GFPT1: variants seen among roughly 807,000 people sequenced by gnomAD.
The protein encoded by GFPT1 is glutamine--fructose-6-phosphate transaminase 1.
GFPT1 carries 40 observed loss-of-function variants against 92.0 expected under a neutral mutation model. That is an observed-to-expected ratio of 0.43 (90% CI 0.34 to 0.57). The LOEUF (loss-of-function observed/expected upper bound fraction) is 0.57, where lower values mean the gene tolerates loss of function less well. Ranked by LOEUF, GFPT1 falls within the 20% of genes least tolerant of loss-of-function variation. GFPT1 has a pLI of 0.02. For synonymous variants in GFPT1, 269 were observed against 280.6 expected, an observed-to-expected ratio of 0.96 and a Z score of 0.41; for missense variants, 448 against 869.1, an observed-to-expected ratio of 0.52 and a Z score of 6.09.
chr2:69,321,370 T>A lies in GFPT1; in HGVS notation c.*4819A>T, dbSNP rs1670400030. The A allele has an allele frequency of 6.6e-6, 1 of 152,222 alleles. No individual in the cohort carries two copies. The highest frequency in any genetic ancestry group is 1.5e-5 in the Non-Finnish European group (1 of 68,042). 9.4% of individuals were successfully genotyped at this position (152,222 alleles called of 1,614,324 possible). On this transcript the variant is annotated 3_prime_UTR_variant, in exon 20 of 20. Coordinates refer to ENST00000357308, the MANE Select transcript of GFPT1 (RefSeq NM_001244710.2). ...TATTTAGGCAGTGATTTCTTATTCT[T>A]AAAATCAACAGTAATGAATAAAGTT...
Position 69,321,793 on chromosome 2 carries a change from G to A in GFPT1, c.*4396C>T, listed in dbSNP as rs1255605587. The A allele has an allele frequency of 2.0e-5, 3 of 152,186 alleles. No homozygotes were observed. The highest frequency in any genetic ancestry group is 2.9e-5 in the Non-Finnish European group (2 of 68,040). 9.4% of individuals were successfully genotyped at this position (152,186 alleles called of 1,614,324 possible). On this transcript the variant is annotated 3_prime_UTR_variant, in exon 20 of 20. Coordinates refer to ENST00000357308, the MANE Select transcript of GFPT1 (RefSeq NM_001244710.2). Reference sequence around the variant, plus strand: ...CTACATTCATTCTGCAAACAGTGTAGTAAGAAAGGTAATTTGAGAATTTCC... The same window carrying A: ...CTACATTCATTCTGCAAACAGTGTAATAAGAAAGGTAATTTGAGAATTTCC...
rs533631858 is a variant in GFPT1, at chr2:69,328,513, A to G, written c.1726-75T>C. 48 of 1,055,560 alleles carry G rather than the reference A, an allele frequency of 4.5e-5. No individual in the cohort carries two copies. The East Asian group carries it at 1.0e-3, about 22-fold the overall frequency. 65.4% of individuals were successfully genotyped at this position (1,055,560 alleles called of 1,614,324 possible). A position where few individuals can be genotyped will look rare whatever the true frequency, so the allele number is the denominator to read the frequency against. On this transcript the variant is annotated intron_variant, in intron 17 of 19. Coordinates refer to ENST00000357308, the MANE Select transcript of GFPT1 (RefSeq NM_001244710.2). Reference sequence around the variant, plus strand: ...TGTTTAAGTAAATATTATAAAAAGCATCTGATATGTCAAGCCACTGTCTAT... The same window carrying G: ...TGTTTAAGTAAATATTATAAAAAGCGTCTGATATGTCAAGCCACTGTCTAT...
At chr2:69,372,656 AT>A (rs1334357785) in intron 2 of GFPT1, among the ~76,000 whole-genome samples, 3 of 152,214 alleles carry the variant, frequency 2.0e-5, no homozygotes, top group African/African-American at 7.2e-5. Context: ...AAAAGAAGTA[AT>A]CTTAGCATCT....
At chr2:69,368,179 G>T (rs184453658) in intron 3 of GFPT1, among the ~76,000 whole-genome samples, 1 of 152,212 alleles carries the variant, frequency 6.6e-6, no homozygotes, top group Non-Finnish European at 1.5e-5. Flanking sequence ...TCAGGAGATC[G>T]AGACTATCCT....
intron 1 of GFPT1, among the ~76,000 whole-genome samples, chr2:69,379,799 G>C (rs113711304): frequency 4.6e-5 from 7 of 151,994 alleles, no homozygotes; most frequent in African/African-American, 1.7e-4. Flanking sequence ...TTGGCTCACT[G>C]CAACCTGTCT....
chr2:69,326,105 G>T lies in GFPT1; in HGVS notation c.*84C>A. The T allele has an allele frequency of 1.2e-6, 1 of 850,756 alleles. No individual in the cohort carries two copies. Among genetic ancestry groups the T allele is most frequent in the Non-Finnish European group, 2.0e-6 (1 of 508,860 alleles). The allele number at this position is 850,756 out of a possible 1,614,324, so 52.7% of individuals were successfully genotyped here. A position where few individuals can be genotyped will look rare whatever the true frequency, so the allele number is the denominator to read the frequency against. On this transcript the variant is annotated 3_prime_UTR_variant, in exon 20 of 20. Transcript: ENST00000357308. ...TTACTAAAAAAAGGCTTCAAGGGGT[G>T]ATATTTTAAATCAAGGTTTTAAATA... is the stretch of plus-strand genomic sequence containing the variant.
At chr2:69,370,549 T>A (rs988389126) in intron 2 of GFPT1, among the ~76,000 whole-genome samples, 1 of 152,200 alleles carries the variant, frequency 6.6e-6, no homozygotes, top group African/African-American at 2.4e-5. Flanking sequence ...GGGAAAACAC[T>A]GTCCTTTAAG....
At chr2:69,348,875 C>A (rs1227246271) in intron 10 of GFPT1, among the ~76,000 whole-genome samples, 3 of 152,278 alleles carry the variant, frequency 2.0e-5, no homozygotes, top group South Asian at 2.1e-4. Context: ...AGTGCCTTAC[C>A]GTAATCCCTA....
At chr2:69,368,771 T>C (rs1671671448) in intron 3 of GFPT1, among the ~76,000 whole-genome samples, 1 of 151,756 alleles carries the variant, frequency 6.6e-6, no homozygotes, top group African/African-American at 2.4e-5. Flanking sequence ...CGAAGAGGCA[T>C]GTTTCAATAT....
At position 69,384,781 on chromosome 2, in the gene GFPT1, GAAAGAAAGAAAGA is replaced by G. The variant is rs761330830; in HGVS notation, c.7+2271_7+2283del. On this transcript the variant is annotated intron_variant, in intron 1 of 19. Transcript: ENST00000357308. ...GAGAGAAAGAAGAAAGAAAGAAAAA[GAAAGAAAGAAAGA>G]AAAGAAAAGAAAGAAGGAAAGAAAG... Among the ~76,000 whole-genome samples, 392 of 147,676 alleles carry G rather than the reference GAAAGAAAGAAAGA, an allele frequency of 2.7e-3. 4 individuals are homozygous for G. The highest frequency in any genetic ancestry group is 4.2e-3 in the Non-Finnish European group (281 of 66,788).
At position 69,328,915 on chromosome 2, in the gene GFPT1, C is replaced by A. The variant is rs141885958; in HGVS notation, c.1725+382G>T. Among the ~76,000 whole-genome samples the A allele has an allele frequency of 6.0e-3, 920 of 152,186 alleles. 11 individuals are homozygous for A. Among genetic ancestry groups the A allele is most frequent in the African/African-American group, 0.02 (824 of 41,524 alleles). On this transcript the variant is annotated intron_variant, in intron 17 of 19. Transcript: ENST00000357308. The stretch of plus-strand genomic sequence containing the variant: ...ATGGGGTTTCACCACGTTGGCCAGG[C>A]TGGTCTCGAACTTCTGACTTCAAGT...
intron 1 of GFPT1, among the ~76,000 whole-genome samples, chr2:69,377,505 A>T (rs1442502332): frequency 6.6e-6 from 1 of 151,162 alleles, no homozygotes; most frequent in Non-Finnish European, 1.5e-5. Context: ...AAATAAAAAA[A>T]AAAAAATAGC....
intron 9 of GFPT1, among the ~76,000 whole-genome samples, chr2:69,353,818 G>A (rs942866063): frequency 6.6e-6 from 1 of 152,058 alleles, no homozygotes; most frequent in Non-Finnish European, 1.5e-5. Flanking sequence ...AGCCAATCAA[G>A]ATAGCAAATG....
intron 15 of GFPT1, among the ~76,000 whole-genome samples, chr2:69,330,495 ATT>A: frequency 6.9e-6 from 1 of 144,828 alleles, no homozygotes. Context: ...GTATTGCTGG[ATT>A]TTTTTTTTTA....
intron 7 of GFPT1, among the ~76,000 whole-genome samples, chr2:69,355,082 ATTTG>A (rs199569105): frequency 0.016 from 2,406 of 152,008 alleles, 74 homozygotes; most frequent in African/African-American, 0.054. Context: ...GTTTTTGTTT[ATTTG>A]TTTGTTTTTT....
chr2:69,381,099 C>T (rs1671997909), intron 1 of GFPT1, among the ~76,000 whole-genome samples: 1 of 152,080 alleles, frequency 6.6e-6, no homozygotes, highest in Non-Finnish European at 1.5e-5. Flanking sequence ...CCCGCCTCAG[C>T]CTCTTGAGCA....
chr2:69,327,645 T>C (rs1432875772), intron 18 of GFPT1, among the ~76,000 whole-genome samples: 2 of 152,106 alleles, frequency 1.3e-5, no homozygotes, highest in African/African-American at 4.8e-5. Flanking sequence ...CTGAAATATA[T>C]ATTTAAAAAT....
chr2:69,376,534 A>AC (rs1056708057), intron 1 of GFPT1, among the ~76,000 whole-genome samples: 54 of 151,572 alleles, frequency 3.6e-4, no homozygotes, highest in African/African-American at 1.3e-3. Flanking sequence ...AAAAAAAAAA[A>AC]AGTGTGAAAA....
intron 1 of GFPT1, among the ~76,000 whole-genome samples, chr2:69,384,627 G>GT (rs1672084573): frequency 6.9e-6 from 1 of 144,376 alleles, no homozygotes; most frequent in Non-Finnish European, 1.5e-5. Flanking sequence ...CCCGGAGACA[G>GT]AGGCTGCAGT....
Sources: allele counts gnomAD v4.1 joint callset (sites outside exome capture counted in the v4.1 genomes callset), GRCh38; gene constraint gnomAD v4.1.1; transcripts MANE v1.5; gene names NCBI Gene and HGNC (gene_info 2026-07-23, HGNC 2026-07-21).